NR2C2: variants seen among roughly 807,000 people sequenced by gnomAD.
The protein encoded by NR2C2 is nuclear receptor subfamily 2 group C member 2, also known as Nuclear hormone receptor TR4.
NR2C2 carries 6 observed loss-of-function variants against 62.9 expected under a neutral mutation model. The ratio of observed to expected loss-of-function variants is 0.10; its 90% CI spans 0.05 to 0.19. The LOEUF (loss-of-function observed/expected upper bound fraction) is 0.19. Among genes scored for constraint, NR2C2 ranks in the 10% least tolerant of loss-of-function variants. NR2C2 has a pLI of 1.00. For synonymous variants in NR2C2, 272 were observed against 273.8 expected (o/e 0.99, Z 0.07); for missense variants, 479 against 762.7 (o/e 0.63, Z 4.38).
At chr3:14,998,033 T>C (rs1467856673) in intron 1 of NR2C2, among the ~76,000 whole-genome samples, 4 of 152,234 alleles carry the variant, frequency 2.6e-5, no homozygotes, top group Admixed American at 6.5e-5. Context: ...TTTAAATAAA[T>C]AGAATCATGC....
chr3:15,022,402 T>C lies in NR2C2; in HGVS notation c.557-798T>C, dbSNP rs796450961. Among the ~76,000 whole-genome samples, 1,067 of 133,378 alleles carry C rather than the reference T, an allele frequency of 8.0e-3. 8 individuals carry two copies. The highest frequency in any genetic ancestry group is 0.026 in the African/African-American group (968 of 37,564). 87.5% of individuals were successfully genotyped at this position (133,378 alleles called of 152,430 possible). On this transcript the variant is annotated intron_variant, in intron 5 of 13. Transcript: ENST00000425241. The stretch of plus-strand genomic sequence containing the variant: ...ATTTCTTTTTTCTTTTTCTTTCTTT[T>C]TTTTTTTTTTTTTTTTTTGAGGCAG...
intron 2 of NR2C2, chr3:15,004,508 ATTG>A (rs776392295): frequency 1.3e-6 from 2 of 1,527,572 alleles, no homozygotes; most frequent in South Asian, 2.5e-5. Flanking sequence ...TATTACTAAT[ATTG>A]TTATTAACTA....
chr3:14,973,326 A>G (rs1167579732), intron 1 of NR2C2, among the ~76,000 whole-genome samples: 1 of 152,086 alleles, frequency 6.6e-6, no homozygotes, highest in Non-Finnish European at 1.5e-5. Flanking sequence ...CCTGGGCTCA[A>G]GCAGTTCTCA....
intron 5 of NR2C2, among the ~76,000 whole-genome samples, chr3:15,022,105 T>G (rs1414442989): frequency 6.6e-6 from 1 of 152,262 alleles, no homozygotes; most frequent in Non-Finnish European, 1.5e-5. Flanking sequence ...TTCAACTGGA[T>G]AGCAGTTTGA....
At chr3:15,037,784 A>T (rs1392184657) in intron 11 of NR2C2, among the ~76,000 whole-genome samples, 1 of 152,200 alleles carries the variant, frequency 6.6e-6, no homozygotes, top group African/African-American at 2.4e-5. Flanking sequence ...TGGTCTAGGG[A>T]TTTGTTATTG....
chr3:15,043,046 T>G lies in NR2C2; in HGVS notation c.*38T>G. On this transcript the variant is annotated 3_prime_UTR_variant, in exon 14 of 14. Coordinates refer to ENST00000425241, the MANE Select transcript of NR2C2 (RefSeq NM_001291694.2). Reference sequence around the variant, plus strand: ...ACCTGCCAAGGAGCAACAGAATCCTTCCAGGACCGTTCACATACAAAGAAA... The same window carrying G: ...ACCTGCCAAGGAGCAACAGAATCCTGCCAGGACCGTTCACATACAAAGAAA... The G allele has an allele frequency of 6.4e-7, 1 of 1,573,462 alleles. No homozygotes were observed. The highest frequency in any genetic ancestry group is 1.4e-5 in the African/African-American group (1 of 73,628).
chr3:15,041,932 T>G (rs1262552216), intron 13 of NR2C2, among the ~76,000 whole-genome samples: 1 of 152,268 alleles, frequency 6.6e-6, no homozygotes, highest in Non-Finnish European at 1.5e-5. Flanking sequence ...AGAAATTTTT[T>G]ATGTATTGTA....
chr3:15,017,423 C>G lies in NR2C2; in HGVS notation c.376+1169C>G, dbSNP rs1325163760. 4.6e-5 allele frequency among the ~76,000 whole-genome samples: 7 copies of G among 152,310 alleles called. No homozygotes were observed. The East Asian group carries it at 1.2e-3, about 25-fold the overall frequency. ...ATTCACTCTTTACAGGCCTGTCTTC[C>G]CCATCAGAATGTCAGAGCAAAAACC... On this transcript the variant is annotated intron_variant, in intron 4 of 13. Transcript: ENST00000425241.
At position 14,961,797 on chromosome 3, in the gene NR2C2, GTAATT is replaced by G. The variant is rs1019422127; in HGVS notation, c.-40+13896_-40+13900del. 6.8e-4 allele frequency among the ~76,000 whole-genome samples: 103 copies of G among 152,302 alleles called. 1 individual carries two copies. The highest frequency in any genetic ancestry group is 1.6e-4 in the Non-Finnish European group (11 of 68,034). On this transcript the variant is annotated intron_variant, in intron 1 of 13. Coordinates refer to ENST00000425241, the MANE Select transcript of NR2C2 (RefSeq NM_001291694.2). ...GTAGAAAGCCGAATTATCTGGTTTT[GTAATT>G]TAATGAGGACTTAATATAAATTAAT...
At chr3:15,028,805 T>G in intron 8 of NR2C2, 86 bp downstream of exon 8, 35 of 1,328,704 alleles carry the variant, frequency 2.6e-5, no homozygotes, top group South Asian at 3.9e-5. Flanking sequence ...TTTTGGTACC[T>G]GTGCTGTATT....
intron 9 of NR2C2, 113 bp from the exon 10 acceptor site, chr3:15,032,266 A>G: frequency 6.9e-7 from 1 of 1,450,060 alleles, no homozygotes; most frequent in Non-Finnish European, 9.6e-7. Flanking sequence ...TCAGAATCAG[A>G]CAGCAACTCT....
intron 6 of NR2C2, 91 bp downstream of exon 6, chr3:15,023,438 C>A (rs2041731669): frequency 6.3e-6 from 9 of 1,426,032 alleles, no homozygotes; most frequent in Non-Finnish European, 8.7e-6. Flanking sequence ...TGGCTTCCCA[C>A]CCATCTGCCA....
intron 1 of NR2C2, among the ~76,000 whole-genome samples, chr3:14,951,867 C>T (rs1369360278): frequency 2.0e-5 from 3 of 152,158 alleles, no homozygotes; most frequent in African/African-American, 4.8e-5. Flanking sequence ...TCTGCCTCCG[C>T]CTCCCCAGTG....
intron 5 of NR2C2, among the ~76,000 whole-genome samples, chr3:15,022,257 A>G (rs2041688623): frequency 6.6e-6 from 1 of 152,234 alleles, no homozygotes; most frequent in African/African-American, 2.4e-5. Context: ...ATAATATAAA[A>G]TTGACACCCA....
At chr3:14,958,925 G>A (rs900475054) in intron 1 of NR2C2, among the ~76,000 whole-genome samples, 1 of 152,204 alleles carries the variant, frequency 6.6e-6, no homozygotes, top group Non-Finnish European at 1.5e-5. Flanking sequence ...GCAGTGAGCC[G>A]AGATCGTGCC....
At chr3:14,955,823 C>T (rs1447679661) in intron 1 of NR2C2, among the ~76,000 whole-genome samples, 2 of 150,824 alleles carry the variant, frequency 1.3e-5, no homozygotes, top group Middle Eastern at 3.4e-3. Flanking sequence ...AAATCATCCA[C>T]AGTATGTAGT....
At chr3:15,026,599 T>A (rs1339958617) in intron 7 of NR2C2, 2 of 152,206 alleles carry the variant, frequency 1.3e-5, no homozygotes, top group Non-Finnish European at 2.9e-5. Context: ...CAATATATGG[T>A]CTTTTGTGGC....
intron 1 of NR2C2, among the ~76,000 whole-genome samples, chr3:14,969,996 A>G (rs1221039309): frequency 1.3e-5 from 2 of 152,152 alleles, no homozygotes; most frequent in African/African-American, 4.8e-5. Flanking sequence ...CTAGGACTGA[A>G]TTTGATTAAT....
At chr3:14,969,492 T>C (rs1209410896) in intron 1 of NR2C2, among the ~76,000 whole-genome samples, 1 of 152,140 alleles carries the variant, frequency 6.6e-6, no homozygotes, top group Admixed American at 6.5e-5. Context: ...TCACCCACCT[T>C]GGCCTCCCAA....
Sources: allele counts gnomAD v4.1 joint callset (sites outside exome capture counted in the v4.1 genomes callset), GRCh38; gene constraint gnomAD v4.1.1; transcripts MANE v1.5; gene names NCBI Gene and HGNC (gene_info 2026-07-23, HGNC 2026-07-21).